Variants in CCSER2 observed in about 807,000 individuals in gnomAD.
CCSER2 encodes serine-rich coiled-coil domain-containing protein 2.
Under a neutral mutation model 92.3 loss-of-function variants are expected in CCSER2, and 46 were observed. The observed-to-expected ratio is 0.50, with a 90% CI of 0.39 to 0.64. The LOEUF (loss-of-function observed/expected upper bound fraction) is 0.64, where lower values mean the gene tolerates loss of function less well. Among genes scored for constraint, CCSER2 ranks in the 30% least tolerant of loss-of-function variants. CCSER2 has a pLI of 0.00. For synonymous variants in CCSER2, 433 were observed against 431.4 expected (o/e 1.00, Z -0.04); for missense variants, 1,244 against 1,238.9 (o/e 1.00, Z -0.06).
intron 6 of CCSER2, among the ~76,000 whole-genome samples, chr10:84,445,418 G>GT: frequency 6.6e-6 from 1 of 152,230 alleles, no homozygotes; most frequent in Non-Finnish European, 1.5e-5. Flanking sequence ...CTCCCAAAGT[G>GT]CTGGGATTAC....
At chr10:84,465,704 C>T (rs1349432763) in intron 7 of CCSER2, among the ~76,000 whole-genome samples, 1 of 151,450 alleles carries the variant, frequency 6.6e-6, no homozygotes, top group Non-Finnish European at 1.5e-5. Flanking sequence ...TCCAGTGTTC[C>T]TTTCTAGTTC....
chr10:84,479,857 A>G (rs1280812722), intron 9 of CCSER2, among the ~76,000 whole-genome samples: 1 of 152,066 alleles, frequency 6.6e-6, no homozygotes, highest in Admixed American at 6.6e-5. Flanking sequence ...AGGGGGCTAG[A>G]AGGAATAGAG....
rs574716074 is a variant in CCSER2 at position 84,348,473 on chromosome 10, G to C, written c.-40+19665G>C. Among the ~76,000 whole-genome samples, 5 of 152,254 alleles carry C rather than the reference G, an allele frequency of 3.3e-5. No homozygotes were observed. In the East Asian group the frequency reaches 9.7e-4, roughly 29 times the overall value. ...GAGGGAGAGGGAGACCATGGAAAGA[G>C]AGGGAGAGGGAGACCGTGGGGAGAG... On this transcript the variant is annotated intron_variant, in intron 1 of 9. Coordinates refer to ENST00000372088, the MANE Select transcript of CCSER2 (RefSeq NM_001284240.2).
intron 5 of CCSER2, among the ~76,000 whole-genome samples, chr10:84,438,184 T>C (rs143880459): frequency 1.8e-3 from 277 of 152,254 alleles, no homozygotes; most frequent in African/African-American, 4.5e-3. Context: ...TGAACAACAG[T>C]CAGTGCAGAA....
intron 3 of CCSER2, among the ~76,000 whole-genome samples, chr10:84,414,854 T>G (rs1281739533): frequency 6.6e-6 from 1 of 152,190 alleles, no homozygotes; most frequent in Non-Finnish European, 1.5e-5. Context: ...ATTTTCATTC[T>G]TTTTTCTCTA....
intron 1 of CCSER2, among the ~76,000 whole-genome samples, chr10:84,354,355 T>C (rs1845041006): frequency 1.3e-5 from 2 of 152,148 alleles, no homozygotes; most frequent in Non-Finnish European, 2.9e-5. Context: ...TGTCCTCATC[T>C]TGTCTCCTGA....
At chr10:84,457,635 A>AGT (rs1845838680) in intron 6 of CCSER2, among the ~76,000 whole-genome samples, 5 of 38,172 alleles carry the variant, frequency 1.3e-4, no homozygotes, top group Admixed American at 9.4e-4. Flanking sequence ...TATATATTAT[A>AGT]TATAATTATA....
chr10:84,484,490 C>CGTGTGTGTGTGTGTGTGTGT (rs143391336), intron 9 of CCSER2, among the ~76,000 whole-genome samples: 6 of 147,396 alleles, frequency 4.1e-5, no homozygotes, highest in African/African-American at 1.5e-4. Flanking sequence ...TGTGCATGCA[C>CGTGTGTGTGTGTGTGTGTGT]GTGTGTGTGT....
chr10:84,371,718 A>T lies in CCSER2; in HGVS notation c.666A>T (p.Gln222His). The T allele has an allele frequency of 6.2e-7, 1 of 1,613,628 alleles. No homozygotes were observed. Among genetic ancestry groups the T allele is most frequent in the Non-Finnish European group, 8.5e-7 (1 of 1,179,842 alleles). ...ATTGTGAAAAAATGGTAAGGTCACA[A>T]AGTTTTTCACATTCCATTCAGAATT... The part of the protein sequence containing the change: ...SINCEKMVRS[Q>H]SFSHSIQNSF... The change falls in exon 2 of 10, where the codon CAA (glutamine) becomes CAT (histidine). Residue 222 changes from glutamine (Q) to histidine (H), a missense_variant. By Grantham distance (24) the Gln-to-His change is conservative. Coordinates refer to ENST00000372088, the MANE Select transcript of CCSER2 (RefSeq NM_001284240.2).
At chr10:84,353,752 A>G (rs1319783593) in intron 1 of CCSER2, among the ~76,000 whole-genome samples, 1 of 152,108 alleles carries the variant, frequency 6.6e-6, no homozygotes, top group Non-Finnish European at 1.5e-5. Context: ...TAGCATTTTC[A>G]GTCTCCTAAT....
At chr10:84,497,459 C>T (rs944765921) in intron 9 of CCSER2, among the ~76,000 whole-genome samples, 15 of 152,332 alleles carry the variant, frequency 9.8e-5, no homozygotes, top group African/African-American at 3.6e-4. Flanking sequence ...CCTTCTTATA[C>T]TCAGACCTAT....
At chr10:84,339,498 G>A (rs1420412926) in intron 1 of CCSER2, among the ~76,000 whole-genome samples, 1 of 150,416 alleles carries the variant, frequency 6.6e-6, no homozygotes, top group Non-Finnish European at 1.5e-5. Context: ...TTTTTGAGAC[G>A]GAGTTTTACT....
intron 9 of CCSER2, chr10:84,499,989 C>T: frequency 1.9e-6 from 3 of 1,613,786 alleles, no homozygotes; most frequent in Non-Finnish European, 2.5e-6. Flanking sequence ...TCCTATCCTG[C>T]TCTGGCTTCC....
chr10:84,515,115 C>T lies in CCSER2; in HGVS notation c.*848C>T, dbSNP rs2784846. On this transcript the variant is annotated 3_prime_UTR_variant, in exon 10 of 10. Transcript: ENST00000372088. Reference sequence around the variant, plus strand: ...GCTAGAGTTTTGCTGGTAATTCAGGCTTGAACCCTTAGGCTTGTGGATCCA... The same window carrying T: ...GCTAGAGTTTTGCTGGTAATTCAGGTTTGAACCCTTAGGCTTGTGGATCCA... The T allele has an allele frequency of 0.85, 129,547 of 152,598 alleles. 55,064 individuals carry two copies. The highest frequency in any genetic ancestry group is 0.86 in the Admixed American group (13,225 of 15,292). The allele number at this position is 152,598 out of a possible 1,614,324, so 9.5% of individuals were successfully genotyped here.
At chr10:84,339,007 A>G (rs928570447) in intron 1 of CCSER2, among the ~76,000 whole-genome samples, 3 of 152,032 alleles carry the variant, frequency 2.0e-5, no homozygotes, top group Admixed American at 6.6e-5. Flanking sequence ...CCATGCCCCA[A>G]GTTTTGGATT....
chr10:84,355,105 C>G (rs1005514651), intron 1 of CCSER2, among the ~76,000 whole-genome samples: 14 of 152,080 alleles, frequency 9.2e-5, no homozygotes, highest in African/African-American at 3.4e-4. Context: ...ATCTCCCCTT[C>G]TTAACCCATC....
At chr10:84,490,472 C>T (rs926804981) in intron 9 of CCSER2, among the ~76,000 whole-genome samples, 10 of 152,180 alleles carry the variant, frequency 6.6e-5, no homozygotes, top group Admixed American at 2.0e-4. Flanking sequence ...TTTCTGTTCT[C>T]GCTTCATTTC....
intron 6 of CCSER2, among the ~76,000 whole-genome samples, chr10:84,449,129 A>G (rs1358510336): frequency 6.6e-6 from 1 of 152,114 alleles, no homozygotes; most frequent in Admixed American, 6.5e-5. Flanking sequence ...AATCCCAGCA[A>G]TTTGGGAGGC....
intron 1 of CCSER2, among the ~76,000 whole-genome samples, chr10:84,363,286 G>T (rs765873337): frequency 2.0e-5 from 3 of 151,760 alleles, no homozygotes; most frequent in Non-Finnish European, 4.4e-5. Context: ...GAGCCACCAC[G>T]CCTGGCCACT....
Sources: allele counts gnomAD v4.1 joint callset (sites outside exome capture counted in the v4.1 genomes callset), GRCh38; gene constraint gnomAD v4.1.1; transcripts MANE v1.5; gene names NCBI Gene and HGNC (gene_info 2026-07-23, HGNC 2026-07-21).